MAP2K5: variants seen among roughly 807,000 people sequenced by gnomAD.
MAP2K5 encodes the protein mitogen-activated protein kinase kinase 5.
A neutral mutation model predicts 83.1 loss-of-function variants in MAP2K5; 49 were observed. The observed-to-expected ratio is 0.59, with a 90% CI of 0.47 to 0.75. The LOEUF (loss-of-function observed/expected upper bound fraction) is 0.75, where lower values mean the gene tolerates loss of function less well. MAP2K5 is among the 30% of genes least tolerant of loss of function. MAP2K5 has a pLI of 0.00. For synonymous variants in MAP2K5, 202 were observed against 191.8 expected, an observed-to-expected ratio of 1.05 and a Z score of -0.44; for missense variants, 457 against 557.5, an observed-to-expected ratio of 0.82 and a Z score of 1.82.
At chr15:67,630,757 G>A in intron 8 of MAP2K5, 131 bp from the exon 9 acceptor site, 1 of 665,034 alleles carries the variant, frequency 1.5e-6, no homozygotes, top group East Asian at 2.7e-5. Context: ...AATTACTAAT[G>A]TTGTTAGTGT....
intron 15 of MAP2K5, among the ~76,000 whole-genome samples, chr15:67,693,910 C>T (rs1456947821): frequency 6.6e-6 from 1 of 151,462 alleles, no homozygotes; most frequent in Non-Finnish European, 1.5e-5. Context: ...AAATGTCAGT[C>T]AATAAAATTG....
chr15:67,670,456 A>C, intron 13 of MAP2K5: 1 of 455,794 alleles, frequency 2.2e-6, no homozygotes, highest in South Asian at 1.6e-5. Context: ...GGGTGAGTGA[A>C]TTTTACTGTG....
chr15:67,767,156 G>C (rs368106577), intron 19 of MAP2K5, among the ~76,000 whole-genome samples: 3 of 152,084 alleles, frequency 2.0e-5, no homozygotes, highest in African/African-American at 7.2e-5. Flanking sequence ...AACTTAACAG[G>C]CTACAATATC....
rs558712965 is a variant in MAP2K5, at chr15:67,719,665, A to G, written c.1045-8251A>G. Among the ~76,000 whole-genome samples, 2 of 152,326 alleles carry G rather than the reference A, an allele frequency of 1.3e-5. No homozygotes were observed. The highest frequency in any genetic ancestry group is 4.1e-4 in the South Asian group (2 of 4,826). ...GATTAACTCCTGACAGAAGAGGAGA[A>G]AAGGAGGAACAATTTGAATCAAGTC... is the stretch of plus-strand genomic sequence containing the variant. On this transcript the variant is annotated intron_variant, in intron 16 of 21. Transcript: ENST00000178640. This position sits in a 1 kb window ranked among gnomAD's most constrained non-coding sequence, Gnocchi z 4.6.
At chr15:67,645,998 C>A (rs1246179435) in intron 9 of MAP2K5, among the ~76,000 whole-genome samples, 1 of 152,066 alleles carries the variant, frequency 6.6e-6, no homozygotes, top group Non-Finnish European at 1.5e-5. Context: ...ACCTTTGAGA[C>A]CTGGCTTTTT....
rs539113930 is a variant in MAP2K5 at position 67,720,777 on chromosome 15, A to G, written c.1045-7139A>G. On this transcript the variant is annotated intron_variant, in intron 16 of 21. Coordinates refer to ENST00000178640, the MANE Select transcript of MAP2K5 (RefSeq NM_145160.3). This position sits in a 1 kb window ranked among gnomAD's most constrained non-coding sequence, Gnocchi z 5.7. ...CTTTGCTTCAGTGGCTCGAAAGCAC[A>G]TATGCTCCAGTCACAGCTAAACTTT... is the stretch of plus-strand genomic sequence containing the variant. Among the ~76,000 whole-genome samples, 45 of 152,340 alleles carry G rather than the reference A, an allele frequency of 3.0e-4. No homozygotes were observed. The highest frequency in any genetic ancestry group is 1.0e-3 in the African/African-American group (42 of 41,586).
intron 8 of MAP2K5, among the ~76,000 whole-genome samples, chr15:67,627,034 C>T (rs1011942298): frequency 1.3e-5 from 2 of 152,040 alleles, no homozygotes; most frequent in Admixed American, 1.3e-4. Flanking sequence ...TGGACTCAAG[C>T]GACCCTCTTG....
rs77596380 is a variant in MAP2K5 at position 67,756,256 on chromosome 15, C to G, written c.1134+7655C>G. ...GCCCCTATATGGCAACATTTTCTCT[C>G]TCTCACCATCTTCTTATGCTGCTTT... On this transcript the variant is annotated intron_variant, in intron 19 of 21. Coordinates refer to ENST00000178640, the MANE Select transcript of MAP2K5 (RefSeq NM_145160.3). Among the ~76,000 whole-genome samples, 560 of 152,318 alleles carry G rather than the reference C, an allele frequency of 3.7e-3. 4 individuals are homozygous for G. Among genetic ancestry groups the G allele is most frequent in the African/African-American group, 0.013 (538 of 41,574 alleles).
chr15:67,706,309 T>C (rs892384632), intron 16 of MAP2K5, among the ~76,000 whole-genome samples: 7 of 152,216 alleles, frequency 4.6e-5, no homozygotes, highest in Non-Finnish European at 1.0e-4. Context: ...AGATAAACTA[T>C]TGAATATTCT....
At chr15:67,570,284 A>G (rs925679114) in intron 3 of MAP2K5, among the ~76,000 whole-genome samples, 1 of 152,230 alleles carries the variant, frequency 6.6e-6, no homozygotes, top group Non-Finnish European at 1.5e-5. Flanking sequence ...CTTTCAAGTC[A>G]TTAATAAATA....
intron 5 of MAP2K5, among the ~76,000 whole-genome samples, chr15:67,586,464 A>G (rs371570300): frequency 6.6e-6 from 1 of 152,188 alleles, no homozygotes; most frequent in Non-Finnish European, 1.5e-5. Flanking sequence ...CATTCTACAT[A>G]CAGTGTTCTG....
chr15:67,594,585 T>A (rs2085483726), intron 7 of MAP2K5, among the ~76,000 whole-genome samples: 1 of 152,166 alleles, frequency 6.6e-6, no homozygotes, highest in Non-Finnish European at 1.5e-5. Context: ...TTGACAAAAA[T>A]AAGCAGTCTC....
chr15:67,588,210 C>T (rs1239336678), intron 6 of MAP2K5: 3 of 440,386 alleles, frequency 6.8e-6, no homozygotes, highest in South Asian at 9.5e-5. Flanking sequence ...CCCCATCCCA[C>T]CTGACATTCC....
At chr15:67,753,041 A>G (rs953064352) in intron 19 of MAP2K5, among the ~76,000 whole-genome samples, 2 of 152,218 alleles carry the variant, frequency 1.3e-5, no homozygotes, top group African/African-American at 2.4e-5. Flanking sequence ...ATAAACTTAT[A>G]TATGCATAGT....
intron 1 of MAP2K5, among the ~76,000 whole-genome samples, chr15:67,547,092 A>ACACACACG (rs1177698766): frequency 6.9e-6 from 1 of 145,156 alleles, no homozygotes; most frequent in African/African-American, 2.7e-5. Flanking sequence ...ACACACACAC[A>ACACACACG]CACACACACA....
Position 67,737,738 on chromosome 15 carries a change from G to A in MAP2K5, c.1074+9793G>A, listed in dbSNP as rs112195835. On this transcript the variant is annotated intron_variant, in intron 17 of 21. Transcript: ENST00000178640. Reference sequence around the variant, plus strand: ...CTCCAAGGAATTTTGGGAAACCAAGGCAGCCAATTGGAACCAAGTGTGGAC... The same window carrying A: ...CTCCAAGGAATTTTGGGAAACCAAGACAGCCAATTGGAACCAAGTGTGGAC... Among the ~76,000 whole-genome samples, 549 of 152,004 alleles carry A rather than the reference G, an allele frequency of 3.6e-3. 4 individuals are homozygous for A. The highest frequency in any genetic ancestry group is 0.013 in the African/African-American group (525 of 41,466).
rs548788301 is a variant in MAP2K5 at position 67,759,227 on chromosome 15, G to T, written c.1135-10375G>T. Among the ~76,000 whole-genome samples, 41 of 152,182 alleles carry T rather than the reference G, an allele frequency of 2.7e-4. 1 individual carries two copies. Among genetic ancestry groups the T allele is most frequent in the Middle Eastern group, 6.8e-3 (2 of 294 alleles). ...TGCTGGGGGGTGGGGGATGCTGATG[G>T]CAAGAATGATTGCCTAATAATACCT... On this transcript the variant is annotated intron_variant, in intron 19 of 21. Coordinates refer to ENST00000178640, the MANE Select transcript of MAP2K5 (RefSeq NM_145160.3).
At chr15:67,547,107 C>CACACACACAG (rs3223318) in intron 1 of MAP2K5, among the ~76,000 whole-genome samples, 4 of 145,798 alleles carry the variant, frequency 2.7e-5, no homozygotes, top group East Asian at 2.0e-4. Flanking sequence ...CACACACACA[C>CACACACACAG]AGATTTCTGT....
At chr15:67,766,114 G>A (rs937058716) in intron 19 of MAP2K5, among the ~76,000 whole-genome samples, 2 of 152,138 alleles carry the variant, frequency 1.3e-5, no homozygotes, top group African/African-American at 4.8e-5. Context: ...TGTCCTCCTC[G>A]ATGACCAGAA....
Sources: allele counts gnomAD v4.1 joint callset (sites outside exome capture counted in the v4.1 genomes callset), GRCh38; gene constraint gnomAD v4.1.1; non-coding constraint Gnocchi (gnomAD v3.1); transcripts MANE v1.5; gene names NCBI Gene and HGNC (gene_info 2026-07-23, HGNC 2026-07-21).